The following GOLGA1 variants were observed in gnomAD, a reference collection of about 807,000 sequenced individuals.
GOLGA1 encodes golgin A1.
GOLGA1 carries 63 observed loss-of-function variants against 119.7 expected under a neutral mutation model. The ratio of observed to expected loss-of-function variants is 0.53; its 90% CI spans 0.43 to 0.65. GOLGA1 has a LOEUF of 0.65. GOLGA1 is among the 30% of genes least tolerant of loss of function. The pLI, the probability that GOLGA1 is intolerant of heterozygous loss-of-function variation, is 0.00. For missense variants in GOLGA1, 798 were observed against 912.8 expected (o/e 0.87, Z 1.62); for synonymous variants, 318 against 333.4 (o/e 0.95, Z 0.50).
intron 4 of GOLGA1, among the ~76,000 whole-genome samples, chr9:124,930,107 T>C (rs1356315032): frequency 6.6e-6 from 1 of 152,204 alleles, no homozygotes; most frequent in African/African-American, 2.4e-5. Context: ...CTATTATCAT[T>C]ACTCATACTA....
chr9:124,936,934 G>A, intron 3 of GOLGA1, among the ~76,000 whole-genome samples: 1 of 152,094 alleles, frequency 6.6e-6, no homozygotes, highest in East Asian at 1.9e-4. Flanking sequence ...TACATATCTG[G>A]TAAGATATTT....
In GOLGA1 at chr9:124,880,463, G is replaced by C. The variant is rs928439409; in HGVS notation, c.*67C>G. ...CAGTGATTAAAAACCCACCCAGACTGGTGTGTCAGTGTTCTTTTCACAGAA... is the reference window on the plus strand; with the variant it reads ...CAGTGATTAAAAACCCACCCAGACTCGTGTGTCAGTGTTCTTTTCACAGAA... On this transcript the variant is annotated 3_prime_UTR_variant, in exon 23 of 23. Transcript: ENST00000373555. 87 of 857,260 alleles carry C rather than the reference G, an allele frequency of 1.0e-4. No individual in the cohort carries two copies. The South Asian group carries it at 1.1e-3, about 11-fold the overall frequency. 53.1% of individuals were successfully genotyped at this position (857,260 alleles called of 1,614,324 possible). A position where few individuals can be genotyped will look rare whatever the true frequency, so the allele number is the denominator to read the frequency against.
chr9:124,882,444 G>T, intron 20 of GOLGA1, 66 bp downstream of exon 20: 1 of 1,205,470 alleles, frequency 8.3e-7, no homozygotes, highest in Non-Finnish European at 1.2e-6. Flanking sequence ...GGGACCTCAG[G>T]AGGACCGGGC....
intron 7 of GOLGA1, among the ~76,000 whole-genome samples, chr9:124,923,654 CTT>C (rs748214751): frequency 2.8e-5 from 4 of 142,378 alleles, no homozygotes; most frequent in Non-Finnish European, 6.2e-5. Flanking sequence ...TTACGTAGAA[CTT>C]TTTTTTTTTT....
chr9:124,920,357 C>A (rs1325952121), intron 10 of GOLGA1, among the ~76,000 whole-genome samples: 1 of 150,832 alleles, frequency 6.6e-6, no homozygotes, highest in Non-Finnish European at 1.5e-5. Context: ...CCTTGGCCTA[C>A]CAAAGTGCTA....
intron 13 of GOLGA1, 154 bp downstream of exon 13, chr9:124,900,298 C>A: frequency 1.9e-6 from 1 of 520,726 alleles, no homozygotes; most frequent in Non-Finnish European, 3.5e-6. Flanking sequence ...CCTCCACCCC[C>A]TGCTGCTGGC....
At chr9:124,915,424 T>G (rs1166613352) in intron 10 of GOLGA1, among the ~76,000 whole-genome samples, 1 of 152,258 alleles carries the variant, frequency 6.6e-6, no homozygotes, top group East Asian at 1.9e-4. Flanking sequence ...TCATGTTCAC[T>G]ATTTAGTCTA....
Position 124,890,465 on chromosome 9 carries a change from TGGCTCC to T in GOLGA1, c.1415_1420del (p.Trp472_Gln474delinsTer). ...CATGGCCACGCTCACAATTTCTCTT[TGGCTCC>T]ATTCTTCCTACAATGCAGAAAACCA... On this transcript the variant is annotated stop_gained and inframe_deletion, in exon 16 of 23. Coordinates refer to ENST00000373555, the MANE Select transcript of GOLGA1 (RefSeq NM_002077.4). LOFTEE classifies it high-confidence loss of function. The T allele has an allele frequency of 6.2e-7, 1 of 1,613,220 alleles. No homozygotes were observed. The highest frequency in any genetic ancestry group is 8.5e-7 in the Non-Finnish European group (1 of 1,179,150).
upstream of GOLGA1, among the ~76,000 whole-genome samples, chr9:124,941,332 CAG>C (rs895351134): frequency 5.3e-5 from 8 of 152,230 alleles, no homozygotes; most frequent in Non-Finnish European, 1.0e-4. Context: ...TCTATTTTAA[CAG>C]GGGCGCGTGC....
In GOLGA1 at chr9:124,889,483, T is replaced by C. The variant is rs771772985; in HGVS notation, c.1551A>G (p.Lys517=). The C allele has an allele frequency of 2.9e-5, 46 of 1,613,914 alleles. No individual in the cohort carries two copies. Among genetic ancestry groups the C allele is most frequent in the Non-Finnish European group, 3.6e-5 (43 of 1,179,932 alleles). ...IDEKEQNLRE[K]TEVLLQKEQE... Reference sequence around the variant, plus strand: ...GCTCTTTCTGGAGAAGCACTTCGGTTTTTTCCCGCAGATTCTGTTCCTTCT... The same window carrying C: ...GCTCTTTCTGGAGAAGCACTTCGGTCTTTTCCCGCAGATTCTGTTCCTTCT... The change falls in exon 17 of 23, where the codon AAA becomes AAG. Residue 517 remains lysine, a synonymous_variant. Transcript: ENST00000373555.
At chr9:124,905,385 C>G (rs1830205719) in intron 12 of GOLGA1, among the ~76,000 whole-genome samples, 1 of 151,976 alleles carries the variant, frequency 6.6e-6, no homozygotes, top group South Asian at 2.1e-4. Flanking sequence ...TTGTTTGAAC[C>G]TGGGAAGCGG....
intron 11 of GOLGA1, among the ~76,000 whole-genome samples, chr9:124,909,113 C>A (rs1830286947): frequency 6.6e-6 from 1 of 152,040 alleles, no homozygotes; most frequent in Non-Finnish European, 1.5e-5. Context: ...AGTTCGAGAC[C>A]AGCCTGGCTA....
chr9:124,898,731 A>G, intron 14 of GOLGA1, 87 bp from the exon 15 acceptor site: 1 of 780,954 alleles, frequency 1.3e-6, no homozygotes. Flanking sequence ...AAGAAGGCAT[A>G]GGGAGGAACA....
intron 12 of GOLGA1, among the ~76,000 whole-genome samples, chr9:124,904,983 T>C (rs928107401): frequency 7.0e-6 from 1 of 141,998 alleles, no homozygotes; most frequent in Non-Finnish European, 1.5e-5. Context: ...ATTAAAAAAA[T>C]ACAAAAAAAA....
intron 19 of GOLGA1, among the ~76,000 whole-genome samples, chr9:124,885,773 C>T (rs533695286): frequency 7.9e-5 from 12 of 152,164 alleles, no homozygotes; most frequent in Middle Eastern, 3.4e-3. Flanking sequence ...AATGAGGGGC[C>T]ACACCACACA....
intron 22 of GOLGA1, 74 bp from the exon 23 acceptor site, chr9:124,880,684 C>G: frequency 1.1e-6 from 1 of 904,300 alleles, no homozygotes; most frequent in Non-Finnish European, 1.8e-6. Flanking sequence ...CCGCCCCTCC[C>G]CTCCCGTGAG....
intron 11 of GOLGA1, among the ~76,000 whole-genome samples, chr9:124,909,245 G>A (rs759536302): frequency 1.7e-4 from 26 of 151,478 alleles, no homozygotes; most frequent in African/African-American, 4.9e-4. Flanking sequence ...CCCAGGAAGC[G>A]GAGTTGCAGT....
At chr9:124,916,511 A>G (rs1830448682) in intron 10 of GOLGA1, among the ~76,000 whole-genome samples, 1 of 152,198 alleles carries the variant, frequency 6.6e-6, no homozygotes, top group Admixed American at 6.5e-5. Flanking sequence ...AGAAAAATAT[A>G]AATTAACAAA....
chr9:124,903,203 G>A (rs900184989), intron 12 of GOLGA1, among the ~76,000 whole-genome samples: 1 of 152,124 alleles, frequency 6.6e-6, no homozygotes, highest in Non-Finnish European at 1.5e-5. Context: ...AAAGCTGGGT[G>A]TGGGTTGGGT....
Sources: gnomAD v4.1 joint callset for allele counts (sites outside exome capture counted in the v4.1 genomes callset) on GRCh38, gnomAD v4.1.1 for gene constraint, MANE v1.5 for transcripts, NCBI Gene and HGNC (gene_info 2026-07-23, HGNC 2026-07-21) for gene names.